RBFOX1: variants seen among roughly 807,000 people sequenced by gnomAD.
The protein encoded by RBFOX1 is RNA binding fox-1 homolog 1, also known as RNA binding protein fox-1 homolog 1.
In RBFOX1, 8 loss-of-function variants were observed where a neutral mutation model predicts 57.7. That is an observed-to-expected ratio of 0.14 (90% confidence interval 0.08 to 0.25). The LOEUF (loss-of-function observed/expected upper bound fraction) is 0.25, where lower values mean the gene tolerates loss of function less well. Ranked by LOEUF, RBFOX1 falls within the 10% of genes least tolerant of loss-of-function variation. The probability of loss-of-function intolerance (pLI) is 1.00; values close to 1 mark genes in which losing one functional copy is unlikely to be tolerated. For missense variants in RBFOX1, 611 were observed against 548.5 expected (o/e 1.11, Z -1.14); for synonymous variants, 326 against 222.4 (o/e 1.47, Z -4.15).
chr16:5,424,874 TTTTTCTTTCTTTCTTTC>T (rs1257666665), intron 1 of RBFOX1, among the ~76,000 whole-genome samples: 12 of 96,762 alleles, frequency 1.2e-4, no homozygotes, highest in African/African-American at 3.9e-4. Context: ...TTCTTTCTTT[TTTTTCTTTCTTTCTTTC>T]TTTCTTTCTT....
At chr16:6,996,106 T>C (rs1282359064) in intron 3 of RBFOX1, among the ~76,000 whole-genome samples, 1 of 152,208 alleles carries the variant, frequency 6.6e-6, no homozygotes, top group Non-Finnish European at 1.5e-5. Context: ...TCCATTAGTT[T>C]TCATGTCAAG....
chr16:7,054,482 C>T (rs1448338598), intron 4 of RBFOX1, among the ~76,000 whole-genome samples: 1 of 146,606 alleles, frequency 6.8e-6, no homozygotes. Context: ...ACCTCGTGAT[C>T]CGCCAGCCTC....
At chr16:6,665,974 G>C (rs1289558911) in intron 3 of RBFOX1, among the ~76,000 whole-genome samples, 1 of 152,024 alleles carries the variant, frequency 6.6e-6, no homozygotes, top group Non-Finnish European at 1.5e-5. Flanking sequence ...TTGAATCATG[G>C]GTATGGTTTC....
intron 3 of RBFOX1, among the ~76,000 whole-genome samples, chr16:6,870,531 C>T (rs886699724): frequency 6.6e-6 from 1 of 152,188 alleles, no homozygotes; most frequent in African/African-American, 2.4e-5. Flanking sequence ...GCTAGTGGAA[C>T]ATACTGGATC....
chr16:7,036,877 C>A (rs892567951), intron 3 of RBFOX1, among the ~76,000 whole-genome samples: 1 of 152,140 alleles, frequency 6.6e-6, no homozygotes, highest in Non-Finnish European at 1.5e-5. Flanking sequence ...GGATGATGAG[C>A]CCCTTGGGGC....
At chr16:6,496,138 TG>T (rs1409053862) in intron 2 of RBFOX1, among the ~76,000 whole-genome samples, 5 of 151,716 alleles carry the variant, frequency 3.3e-5, no homozygotes, top group Admixed American at 1.3e-4. Flanking sequence ...CAGGGGAATT[TG>T]GAAAGGCATG....
chr16:5,472,541 C>T (rs537815542), intron 2 of RBFOX1, among the ~76,000 whole-genome samples: 1 of 152,218 alleles, frequency 6.6e-6, no homozygotes, highest in Non-Finnish European at 1.5e-5. Context: ...TCCCAGGGGT[C>T]AGGAGGGTCC....
intron 4 of RBFOX1, among the ~76,000 whole-genome samples, chr16:7,242,750 G>C (rs1372626089): frequency 2.6e-5 from 4 of 152,200 alleles, no homozygotes; most frequent in African/African-American, 9.6e-5. Flanking sequence ...GATGGGTTGG[G>C]TTGGACTAAC....
intron 1 of RBFOX1, among the ~76,000 whole-genome samples, chr16:5,414,490 G>A (rs762400091): frequency 6.6e-6 from 1 of 152,174 alleles, no homozygotes; most frequent in Non-Finnish European, 1.5e-5. Context: ...ATGAGCCTCT[G>A]CCTGTGGGTA....
At chr16:6,031,247 G>T (rs546243495) in intron 1 of RBFOX1, among the ~76,000 whole-genome samples, 2 of 152,128 alleles carry the variant, frequency 1.3e-5, no homozygotes, top group African/African-American at 4.8e-5. Flanking sequence ...GTGGCAGTGT[G>T]TTCAGAAGCC....
rs763250831 is a variant in RBFOX1 at position 7,595,587 on chromosome 16, G to A, written c.507G>A (p.Ala169=). Residue 169 remains alanine, a synonymous_variant, in exon 8 of 16, where the codon GCG becomes GCA. Coordinates refer to ENST00000550418, the MANE Select transcript of RBFOX1 (RefSeq NM_018723.4). ...TAACTTTCGAAAATAGTGCCGATGC[G>A]GACAGGGCGAGGGAGAAATTACACG... ...GFVTFENSAD[A]DRAREKLHGT... 3 of 1,563,906 alleles carry A rather than the reference G, an allele frequency of 1.9e-6. No individual in the cohort carries two copies. Among genetic ancestry groups the A allele is most frequent in the South Asian group, 1.2e-5 (1 of 81,618 alleles).
chr16:5,821,988 C>T (rs923090865), intron 3 of RBFOX1, among the ~76,000 whole-genome samples: 2 of 152,184 alleles, frequency 1.3e-5, no homozygotes, highest in African/African-American at 2.4e-5. Context: ...GGGACACAAA[C>T]ATTCAGAGCA....
At chr16:6,220,494 T>C (rs2097365446) in intron 1 of RBFOX1, among the ~76,000 whole-genome samples, 1 of 152,200 alleles carries the variant, frequency 6.6e-6, no homozygotes, top group Admixed American at 6.5e-5. Context: ...GTAGACTATA[T>C]TGAGTTATAA....
At chr16:7,706,624 G>T (rs1018783763) in intron 14 of RBFOX1, among the ~76,000 whole-genome samples, 1 of 152,098 alleles carries the variant, frequency 6.6e-6, no homozygotes, top group Non-Finnish European at 1.5e-5. Context: ...TTGTTTTGAG[G>T]TAACACCTTG....
intron 3 of RBFOX1, among the ~76,000 whole-genome samples, chr16:6,939,053 A>G (rs72774203): frequency 3.3e-5 from 5 of 152,202 alleles, no homozygotes; most frequent in East Asian, 1.9e-4. Context: ...TGGAATATCA[A>G]TGCTACCATG....
intron 4 of RBFOX1, among the ~76,000 whole-genome samples, chr16:7,498,356 C>T (rs1204191813): frequency 2.0e-5 from 3 of 152,150 alleles, no homozygotes; most frequent in Non-Finnish European, 4.4e-5. Context: ...GGGTCTCACT[C>T]AGCCTCTATG....
At chr16:7,356,810 T>A (rs901426390) in intron 4 of RBFOX1, among the ~76,000 whole-genome samples, 1 of 152,122 alleles carries the variant, frequency 6.6e-6, no homozygotes, top group Non-Finnish European at 1.5e-5. Flanking sequence ...GAAGGAAGGG[T>A]TTGGAGCCAG....
chr16:6,938,805 G>A (rs2077814614), intron 3 of RBFOX1, among the ~76,000 whole-genome samples: 1 of 152,148 alleles, frequency 6.6e-6, no homozygotes, highest in Non-Finnish European at 1.5e-5. Context: ...GGTGGGTTGT[G>A]CCTGTAATCC....
chr16:6,753,632 G>T (rs559116039), intron 3 of RBFOX1, among the ~76,000 whole-genome samples: 1 of 152,252 alleles, frequency 6.6e-6, no homozygotes, highest in African/African-American at 2.4e-5. Context: ...GAGCGAAAGG[G>T]AGAAAAAGAA....
Sources: gnomAD v4.1 joint callset for allele counts (sites outside exome capture counted in the v4.1 genomes callset) on GRCh38, gnomAD v4.1.1 for gene constraint, MANE v1.5 for transcripts, NCBI Gene and HGNC (gene_info 2026-07-23, HGNC 2026-07-21) for gene names.